The following KPNA6 variants were observed in gnomAD, a reference collection of about 807,000 sequenced individuals.
KPNA6 encodes importin subunit alpha-7.
A neutral mutation model predicts 72.0 loss-of-function variants in KPNA6; 9 were observed. The ratio of observed to expected loss-of-function variants is 0.13; its 90% CI spans 0.08 to 0.22. The LOEUF is 0.22. Ranked by LOEUF, KPNA6 falls within the 10% of genes least tolerant of loss-of-function variation. The pLI is 1.00. For synonymous variants in KPNA6, 219 were observed against 242.1 expected (o/e 0.90, Z 0.89); for missense variants, 374 against 655.7 (o/e 0.57, Z 4.69).
chr1:32,116,434 G>A (rs927189237), intron 1 of KPNA6, among the ~76,000 whole-genome samples: 2 of 152,018 alleles, frequency 1.3e-5, no homozygotes, highest in African/African-American at 2.4e-5. Flanking sequence ...CCAGGCAGGC[G>A]GATCACCTGA....
chr1:32,145,483 C>T (rs1641914616), intron 1 of KPNA6, among the ~76,000 whole-genome samples: 1 of 151,636 alleles, frequency 6.6e-6, no homozygotes, highest in Admixed American at 6.6e-5. Flanking sequence ...CGCCACCATG[C>T]CTGGCTAATT....
chr1:32,148,862 AC>A (rs1251908196), intron 1 of KPNA6, among the ~76,000 whole-genome samples: 1 of 149,358 alleles, frequency 6.7e-6, no homozygotes, highest in African/African-American at 2.5e-5. Flanking sequence ...CGGCCCCCCT[AC>A]TTTTTTTTCA....
At chr1:32,142,255 CAAAAAA>C (rs763008502) in intron 1 of KPNA6, among the ~76,000 whole-genome samples, 5 of 55,288 alleles carry the variant, frequency 9.0e-5, no homozygotes, top group African/African-American at 2.2e-4. Flanking sequence ...GACCCTGTCT[CAAAAAA>C]AAAAAAAAAA....
chr1:32,117,295 C>T (rs1038501372), intron 1 of KPNA6, among the ~76,000 whole-genome samples: 1 of 151,894 alleles, frequency 6.6e-6, no homozygotes, highest in African/African-American at 2.4e-5. Context: ...TCGTCAGCCT[C>T]CTGAGTAGCT....
intron 1 of KPNA6, among the ~76,000 whole-genome samples, chr1:32,149,287 G>A (rs529848169): frequency 6.6e-6 from 1 of 151,842 alleles, no homozygotes; most frequent in South Asian, 2.1e-4. Flanking sequence ...TTAGTTCATT[G>A]TCCAGGTTTT....
intron 1 of KPNA6, among the ~76,000 whole-genome samples, chr1:32,123,687 C>G (rs1641478615): frequency 6.8e-6 from 1 of 148,072 alleles, no homozygotes; most frequent in East Asian, 2.0e-4. Context: ...TTGCAGTGAG[C>G]CAAGATCATG....
At chr1:32,156,157 C>T (rs932259459) in intron 2 of KPNA6, among the ~76,000 whole-genome samples, 3 of 151,448 alleles carry the variant, frequency 2.0e-5, no homozygotes, top group Admixed American at 1.3e-4. Context: ...GGTTGGAGTA[C>T]AGTGGCGTGA....
chr1:32,124,767 A>C (rs1641502980), intron 1 of KPNA6, among the ~76,000 whole-genome samples: 1 of 151,352 alleles, frequency 6.6e-6, no homozygotes, highest in Non-Finnish European at 1.5e-5. Context: ...TTGGCCTCCC[A>C]AAGTGCTAGG....
intron 1 of KPNA6, chr1:32,142,998 G>A: frequency 7.8e-7 from 1 of 1,289,750 alleles, no homozygotes; most frequent in Non-Finnish European, 1.0e-6. Flanking sequence ...GACAGCCCAG[G>A]CTCAGTCATG....
intron 5 of KPNA6, among the ~76,000 whole-genome samples, chr1:32,158,684 C>T (rs1447733704): frequency 6.6e-6 from 1 of 152,118 alleles, no homozygotes; most frequent in Admixed American, 6.6e-5. Flanking sequence ...CCCCAGTCCC[C>T]CACTACTGGG....
intron 10 of KPNA6, 69 bp from the exon 11 acceptor site, chr1:32,166,036 C>A (rs72666768): frequency 0.073 from 102,952 of 1,412,740 alleles, 4,368 homozygotes; most frequent in South Asian, 0.17. Flanking sequence ...ACAACAACAA[C>A]AAAAAAACAT....
At chr1:32,165,997 C>CA (rs368832720) in intron 10 of KPNA6, 108 bp from the exon 11 acceptor site, 134,058 of 905,244 alleles carry the variant, frequency 0.15, 3 homozygotes, top group Non-Finnish European at 0.16. Context: ...GACTCTGTCT[C>CA]AAAAAAAAAA....
At position 32,157,027 on chromosome 1, in the gene KPNA6, C is replaced by T. The variant is rs556779703; in HGVS notation, c.231+82C>T. 75 of 932,048 alleles carry T rather than the reference C, an allele frequency of 8.0e-5. No homozygotes were observed. In the South Asian group the frequency reaches 1.0e-3, roughly 13 times the overall value. 57.7% of individuals were successfully genotyped at this position (932,048 alleles called of 1,614,324 possible). On this transcript the variant is annotated intron_variant, in intron 3 of 13. Transcript: ENST00000373625. ...GAAATTGGGCCGTTCACATCATCTA[C>T]CAGCTTTGCCAGTAACCATGACAAG...
intron 1 of KPNA6, among the ~76,000 whole-genome samples, chr1:32,116,599 G>A (rs1025679684): frequency 4.6e-5 from 7 of 152,008 alleles, no homozygotes; most frequent in African/African-American, 1.2e-4. Context: ...TGGAGGTTTC[G>A]GTGAGCTGAG....
rs570225776 is a variant in KPNA6 at position 32,170,139 on chromosome 1, G to A, written c.1423+79G>A. 728 of 1,336,372 alleles carry A rather than the reference G, an allele frequency of 5.4e-4. 1 individual carries two copies. Among genetic ancestry groups the A allele is most frequent in the Non-Finnish European group, 6.8e-4 (651 of 960,120 alleles). 82.8% of individuals were successfully genotyped at this position (1,336,372 alleles called of 1,614,324 possible). ...GTGGTATACATATGTTGGTGGTGGC[G>A]GAGTGTGGGTTGGGAAGCATCCATA... On this transcript the variant is annotated intron_variant, in intron 13 of 13. Transcript: ENST00000373625.
In KPNA6 at chr1:32,172,087, A is replaced by T. The variant is rs887814993; in HGVS notation, c.*1193A>T. The T allele has an allele frequency of 6.6e-6, 1 of 152,148 alleles. No individual in the cohort carries two copies. The highest frequency in any genetic ancestry group is 1.5e-5 in the Non-Finnish European group (1 of 68,034). The allele number at this position is 152,148 out of a possible 1,614,324, so 9.4% of individuals were successfully genotyped here. Reference sequence around the variant, plus strand: ...TATATTCTATATATTAGGTAGGTCAATCTTAATTGGTCTCAAGAGGAAGAA... The same window carrying T: ...TATATTCTATATATTAGGTAGGTCATTCTTAATTGGTCTCAAGAGGAAGAA... On this transcript the variant is annotated 3_prime_UTR_variant, in exon 14 of 14. Transcript: ENST00000373625.
intron 1 of KPNA6, among the ~76,000 whole-genome samples, chr1:32,114,451 A>AAAAAAT (rs982175711): frequency 3.4e-5 from 5 of 145,562 alleles, no homozygotes; most frequent in African/African-American, 1.3e-4. Context: ...CAAAAAAAAA[A>AAAAAAT]ATATATATAT....
chr1:32,148,555 GTCTTTTTTTTTTT>G (rs1331305260), intron 1 of KPNA6, among the ~76,000 whole-genome samples: 8 of 146,566 alleles, frequency 5.5e-5, no homozygotes, highest in Admixed American at 2.0e-4. Context: ...GTGTATATTG[GTCTTTTTTTTTTT>G]TCTTTTTTTT....
chr1:32,128,843 A>G (rs1418302566), intron 1 of KPNA6, among the ~76,000 whole-genome samples: 1 of 152,094 alleles, frequency 6.6e-6, no homozygotes, highest in East Asian at 1.9e-4. Flanking sequence ...TTCAAATCTA[A>G]CCCACTTTAC....
Sources: allele counts gnomAD v4.1 joint callset (sites outside exome capture counted in the v4.1 genomes callset), GRCh38; gene constraint gnomAD v4.1.1; transcripts MANE v1.5; gene names NCBI Gene and HGNC (gene_info 2026-07-23, HGNC 2026-07-21).